The following MGAT4A variants were observed in gnomAD, a reference collection of about 807,000 sequenced individuals.
MGAT4A encodes the protein N-acetylglucosaminyltransferase IVa.
A neutral mutation model predicts 74.1 loss-of-function variants in MGAT4A; 33 were observed. That is an observed-to-expected ratio of 0.45 (90% CI 0.34 to 0.60). MGAT4A has a LOEUF of 0.60. Ranked by LOEUF, MGAT4A falls within the 20% of genes least tolerant of loss-of-function variation. The pLI is 0.02. For missense variants in MGAT4A, 479 were observed against 628.3 expected, an observed-to-expected ratio of 0.76 and a Z score of 2.54; for synonymous variants, 198 against 210.4, an observed-to-expected ratio of 0.94 and a Z score of 0.51.
intron 2 of MGAT4A, among the ~76,000 whole-genome samples, chr2:98,708,935 C>T (rs1245299824): frequency 6.6e-6 from 1 of 152,202 alleles, no homozygotes; most frequent in African/African-American, 2.4e-5. Flanking sequence ...AGAAGCTCAT[C>T]TGTGGAGGAC....
Position 98,662,949 on chromosome 2 carries a change from T to A in MGAT4A, c.537+97A>T, listed in dbSNP as rs1701772551. 9 of 1,019,744 alleles carry A rather than the reference T, an allele frequency of 8.8e-6. No individual in the cohort carries two copies. In the East Asian group the frequency reaches 1.3e-4, roughly 15 times the overall value. 63.2% of individuals were successfully genotyped at this position (1,019,744 alleles called of 1,614,324 possible). A position where few individuals can be genotyped will look rare whatever the true frequency, so the allele number is the denominator to read the frequency against. ...CCTAAGCTTTACTCATCACATTTTT[T>A]AAAAAGCGTTTTTAAAAGCATATTC... On this transcript the variant is annotated intron_variant, in intron 5 of 15. Transcript: ENST00000393487.
intron 2 of MGAT4A, among the ~76,000 whole-genome samples, chr2:98,725,347 CA>C (rs1702747116): frequency 6.6e-6 from 1 of 151,846 alleles, no homozygotes; most frequent in South Asian, 2.1e-4. Flanking sequence ...TATACATATG[CA>C]ATATGTATAT....
chr2:98,693,888 A>C (rs948921672), intron 2 of MGAT4A, among the ~76,000 whole-genome samples: 2 of 152,252 alleles, frequency 1.3e-5, no homozygotes, highest in Non-Finnish European at 2.9e-5. Flanking sequence ...AATTTTGAAA[A>C]CTGTTTCAGG....
intron 2 of MGAT4A, among the ~76,000 whole-genome samples, chr2:98,714,259 G>T (rs1339602208): frequency 6.6e-6 from 1 of 152,108 alleles, no homozygotes; most frequent in African/African-American, 2.4e-5. Flanking sequence ...CTAATTTTTT[G>T]TATTTTTAGT....
intron 2 of MGAT4A, among the ~76,000 whole-genome samples, chr2:98,713,751 T>C (rs1702550985): frequency 6.6e-6 from 1 of 152,242 alleles, no homozygotes; most frequent in Non-Finnish European, 1.5e-5. Flanking sequence ...TTTACTGTTC[T>C]GACTCAGAAC....
At chr2:98,680,669 A>G (rs1702046552) in intron 2 of MGAT4A, among the ~76,000 whole-genome samples, 1 of 152,220 alleles carries the variant, frequency 6.6e-6, no homozygotes, top group Non-Finnish European at 1.5e-5. Flanking sequence ...CGGCAGCTCC[A>G]GGGTGCCGGC....
In MGAT4A at chr2:98,678,448, C is replaced by G. The variant is rs1240095022; in HGVS notation, c.118G>C (p.Glu40Gln). 1.9e-6 allele frequency: 3 copies of G among 1,576,832 alleles called. No individual in the cohort carries two copies. In the South Asian group the frequency reaches 3.5e-5, roughly 18 times the overall value. The change falls in exon 3 of 16, where the codon GAA becomes CAA. Residue 40 changes from glutamate to glutamine, a missense_variant. Around this residue, in one of 3 missense-constraint regions of MGAT4A, gnomAD observed 205 missense variants for 232.7 expected, o/e 0.88. Transcript: ENST00000393487. ...GKEKLIAYQREFLALKERLRI... is the reference protein window; with the variant it reads ...GKEKLIAYQRQFLALKERLRI... ...AGACGTTCTTTCAAAGCAAGGAATTCTCGTTGATAAGCAATCAGTTTTTCT... is the reference window on the plus strand; with the variant it reads ...AGACGTTCTTTCAAAGCAAGGAATTGTCGTTGATAAGCAATCAGTTTTTCT...
intron 5 of MGAT4A, among the ~76,000 whole-genome samples, chr2:98,660,416 G>GCACACA (rs1295134416): frequency 3.3e-4 from 28 of 84,944 alleles, no homozygotes; most frequent in Non-Finnish European, 4.8e-4. Flanking sequence ...ACACACGCAC[G>GCACACA]CGCACACACA....
chr2:98,723,600 A>ATTACTGTGATT (rs1335939107), intron 2 of MGAT4A, among the ~76,000 whole-genome samples: 4 of 152,070 alleles, frequency 2.6e-5, no homozygotes, highest in African/African-American at 7.2e-5. Context: ...TTACCAGCTA[A>ATTACTGTGATT]ACACTGAGAG....
intron 6 of MGAT4A, among the ~76,000 whole-genome samples, chr2:98,657,367 C>T (rs1701674114): frequency 6.6e-6 from 1 of 152,188 alleles, no homozygotes; most frequent in South Asian, 2.1e-4. Flanking sequence ...AGACTTGCCC[C>T]TGAGGTCAGT....
intron 2 of MGAT4A, among the ~76,000 whole-genome samples, chr2:98,681,484 CAG>C (rs1270420162): frequency 6.6e-6 from 1 of 152,002 alleles, no homozygotes; most frequent in Non-Finnish European, 1.5e-5. Flanking sequence ...GGTTTCAGTC[CAG>C]AGAGTGTGGA....
intron 5 of MGAT4A, among the ~76,000 whole-genome samples, chr2:98,660,464 T>G (rs1475603113): frequency 8.5e-6 from 1 of 117,088 alleles, no homozygotes. Flanking sequence ...ACACAACAAA[T>G]AGCCAAGGTA....
At chr2:98,719,965 G>T (rs1702644096) in intron 2 of MGAT4A, among the ~76,000 whole-genome samples, 1 of 152,136 alleles carries the variant, frequency 6.6e-6, no homozygotes, top group East Asian at 1.9e-4. Flanking sequence ...TTTTTAAAAG[G>T]ATTTCAAATC....
intron 14 of MGAT4A, among the ~76,000 whole-genome samples, chr2:98,628,953 C>T (rs1444648631): frequency 2.0e-5 from 3 of 152,162 alleles, no homozygotes; most frequent in Non-Finnish European, 2.9e-5. Flanking sequence ...CACACGCACA[C>T]ACTACATTAG....
At chr2:98,664,844 C>T (rs761872312) in intron 4 of MGAT4A, among the ~76,000 whole-genome samples, 2 of 152,028 alleles carry the variant, frequency 1.3e-5, no homozygotes, top group Non-Finnish European at 1.5e-5. Context: ...CATTTTCATA[C>T]CACAGTGATT....
chr2:98,625,633 T>C (rs750834250), intron 15 of MGAT4A, 41 bp from the exon 16 acceptor site: 1 of 1,578,004 alleles, frequency 6.3e-7, no homozygotes, highest in Non-Finnish European at 8.7e-7. Context: ...AAGCTGTTAA[T>C]TCTCAATTCC....
chr2:98,678,245 A>AT lies in MGAT4A; in HGVS notation c.262+58_262+59insA, dbSNP rs1245453085. ...ACTCTGTCTCAAAGAAAAAAAAAAA[A>AT]AAAAATATATATATATATATATAAA... On this transcript the variant is annotated intron_variant, in intron 3 of 15. Transcript: ENST00000393487. 1,994 of 373,746 alleles carry AT rather than the reference A, an allele frequency of 5.3e-3. 19 individuals carry two copies. The highest frequency in any genetic ancestry group is 0.052 in the East Asian group (479 of 9,268). The allele number at this position is 373,746 out of a possible 1,614,324, so 23.2% of individuals were successfully genotyped here.
intron 14 of MGAT4A, among the ~76,000 whole-genome samples, chr2:98,631,715 C>G (rs1305888121): frequency 2.0e-5 from 3 of 152,200 alleles, no homozygotes; most frequent in Admixed American, 1.3e-4. Context: ...GAGCTACTTC[C>G]ACTCAATAAA....
At chr2:98,671,943 CAAAAAAA>C (rs59955000) in intron 4 of MGAT4A, among the ~76,000 whole-genome samples, 4 of 28,616 alleles carry the variant, frequency 1.4e-4, no homozygotes, top group Admixed American at 5.3e-4. Flanking sequence ...GTGGAAAAGG[CAAAAAAA>C]AAAAAAAAAA....
Sources: allele counts gnomAD v4.1 joint callset (sites outside exome capture counted in the v4.1 genomes callset), GRCh38; gene constraint gnomAD v4.1.1; regional missense constraint gnomAD v4.1.1; transcripts MANE v1.5; gene names NCBI Gene and HGNC (gene_info 2026-07-23, HGNC 2026-07-21).